The following QSER1 variants were observed in gnomAD, a reference collection of about 807,000 sequenced individuals.
The protein encoded by QSER1 is glutamine and serine-rich protein 1.
Under a neutral mutation model 158.5 loss-of-function variants are expected in QSER1, and 49 were observed. The ratio of observed to expected loss-of-function variants is 0.31; its 90% CI spans 0.25 to 0.39. QSER1 has a LOEUF of 0.39. Ranked by LOEUF, QSER1 falls within the 10% of genes least tolerant of loss-of-function variation. The pLI is 1.00. For synonymous variants in QSER1, 650 were observed against 715.5 expected (o/e 0.91, Z 1.46); for missense variants, 1,754 against 2,010.3 (o/e 0.87, Z 2.44).
intron 7 of QSER1, 132 bp from the exon 8 acceptor site, chr11:32,957,737 G>C: frequency 4.0e-6 from 3 of 745,240 alleles, no homozygotes; most frequent in Non-Finnish European, 6.5e-6. Flanking sequence ...TATAGGACTT[G>C]GACTGTATAT....
intron 1 of QSER1, among the ~76,000 whole-genome samples, chr11:32,906,532 A>C (rs1851695472): frequency 6.6e-6 from 1 of 151,910 alleles, no homozygotes; most frequent in African/African-American, 2.4e-5. Flanking sequence ...CCAGGTAGCT[A>C]GGACTACAGG....
rs183549441 is a variant in QSER1, at chr11:32,959,680, A to C, written c.4969+1594A>C. On this transcript the variant is annotated intron_variant, in intron 8 of 12. Coordinates refer to ENST00000650167, the MANE Select transcript of QSER1 (RefSeq NM_001076786.3). ...CATTACAAGTATCATTGCTTGAGAG[A>C]TTATCTTAGAAATTATCTGATTAGA... Among the ~76,000 whole-genome samples, 91 of 152,278 alleles carry C rather than the reference A, an allele frequency of 6.0e-4. No homozygotes were observed. In the Middle Eastern group the frequency reaches 0.037, roughly 63 times the overall value.
chr11:32,970,946 CTT>C (rs776051259), intron 10 of QSER1, among the ~76,000 whole-genome samples: 939 of 76,704 alleles, frequency 0.012, 1 homozygote, highest in African/African-American at 0.049. Context: ...AAGCAATTTG[CTT>C]TTTTTTTTTT....
At chr11:32,930,524 T>A (rs1852031531) in intron 3 of QSER1, among the ~76,000 whole-genome samples, 1 of 152,184 alleles carries the variant, frequency 6.6e-6, no homozygotes, top group African/African-American at 2.4e-5. Context: ...ATAAAACATT[T>A]AAATAGTAAA....
intron 9 of QSER1, 79 bp from the exon 10 acceptor site, chr11:32,968,967 A>T: frequency 1.3e-6 from 1 of 742,818 alleles, no homozygotes; most frequent in South Asian, 1.9e-5. Context: ...TTAATATATA[A>T]ATGTTTTGAG....
At chr11:32,910,422 A>C (rs1397542512) in intron 1 of QSER1, among the ~76,000 whole-genome samples, 1 of 152,166 alleles carries the variant, frequency 6.6e-6, no homozygotes, top group African/African-American at 2.4e-5. Flanking sequence ...CTGGTACATA[A>C]TATCTAATAT....
intron 4 of QSER1, among the ~76,000 whole-genome samples, chr11:32,941,323 G>C (rs932937915): frequency 6.6e-6 from 1 of 150,454 alleles, no homozygotes; most frequent in African/African-American, 2.5e-5. Context: ...ATGCTGGTGT[G>C]CTGCACCCAC....
At chr11:32,930,589 G>A (rs1239891329) in intron 3 of QSER1, among the ~76,000 whole-genome samples, 5 of 152,146 alleles carry the variant, frequency 3.3e-5, no homozygotes, top group African/African-American at 9.6e-5. Flanking sequence ...GGAATTAACA[G>A]TTTGTTATTT....
Position 32,964,733 on chromosome 11 carries a change from T to TACAC in QSER1, c.4970-1566_4970-1565insCACA, listed in dbSNP as rs1246383757. ...AAAAAACACCATATATATATATATATATATATACACACACACACACACACA... is the reference window on the plus strand; with the variant it reads ...AAAAAACACCATATATATATATATATACACATATATACACACACACACACACACA... On this transcript the variant is annotated intron_variant, in intron 8 of 12. Coordinates refer to ENST00000650167, the MANE Select transcript of QSER1 (RefSeq NM_001076786.3). 4.4e-3 allele frequency among the ~76,000 whole-genome samples: 507 copies of TACAC among 115,236 alleles called. 2 individuals carry two copies. The highest frequency in any genetic ancestry group is 6.7e-3 in the Non-Finnish European group (364 of 54,326). 75.6% of individuals were successfully genotyped at this position (115,236 alleles called of 152,430 possible). A position where few individuals can be genotyped will look rare whatever the true frequency, so the allele number is the denominator to read the frequency against.
intron 1 of QSER1, among the ~76,000 whole-genome samples, chr11:32,924,683 A>G (rs1271469786): frequency 2.0e-5 from 3 of 152,198 alleles, no homozygotes; most frequent in Non-Finnish European, 4.4e-5. Flanking sequence ...ATTTTGATCC[A>G]GGGTATGTAA....
intron 1 of QSER1, among the ~76,000 whole-genome samples, chr11:32,913,372 T>G (rs1851794562): frequency 6.6e-6 from 1 of 151,814 alleles, no homozygotes; most frequent in Non-Finnish European, 1.5e-5. Flanking sequence ...TTGTATTTAT[T>G]TTAGTAGAGA....
chr11:32,920,714 C>G (rs1048152165), intron 1 of QSER1, among the ~76,000 whole-genome samples: 1 of 152,164 alleles, frequency 6.6e-6, no homozygotes, highest in African/African-American at 2.4e-5. Flanking sequence ...TGAGTAGACA[C>G]TTGTCCAAAG....
At chr11:32,957,591 T>A (rs966273498) in intron 7 of QSER1, among the ~76,000 whole-genome samples, 7 of 152,038 alleles carry the variant, frequency 4.6e-5, no homozygotes, top group African/African-American at 1.7e-4. Context: ...GGGAAATAAG[T>A]CCATAAATCA....
chr11:32,977,583 C>T lies in QSER1; in HGVS notation c.*1109C>T, dbSNP rs758778820. ...AGTGTTAAACACAGCTTCCTTAACT[C>T]TTAGAACTGGAAGTTGTAGAGCTCT... On this transcript the variant is annotated 3_prime_UTR_variant, in exon 13 of 13. Transcript: ENST00000650167. 6.6e-6 allele frequency: 1 copy of T among 152,614 alleles called. No individual in the cohort carries two copies. Among genetic ancestry groups the T allele is most frequent in the African/African-American group, 2.4e-5 (1 of 41,460 alleles). 9.5% of individuals were successfully genotyped at this position (152,614 alleles called of 1,614,324 possible). A position where few individuals can be genotyped will look rare whatever the true frequency, so the allele number is the denominator to read the frequency against.
chr11:32,974,340 C>T (rs924726023), intron 11 of QSER1, among the ~76,000 whole-genome samples: 3 of 151,570 alleles, frequency 2.0e-5, no homozygotes, highest in African/African-American at 7.3e-5. Context: ...GTGGGAGGAT[C>T]GCTTGAGTCC....
chr11:32,965,269 A>T (rs1852718978), intron 8 of QSER1, among the ~76,000 whole-genome samples: 1 of 151,610 alleles, frequency 6.6e-6, no homozygotes, highest in Non-Finnish European at 1.5e-5. Context: ...ATGCCACCAC[A>T]CACGTGGCTA....
intron 3 of QSER1, among the ~76,000 whole-genome samples, chr11:32,929,061 C>G (rs1400404264): frequency 6.6e-6 from 1 of 151,796 alleles, no homozygotes; most frequent in Non-Finnish European, 1.5e-5. Flanking sequence ...AGTGTTTTTA[C>G]TCTTGTATAG....
At chr11:32,941,806 C>T (rs2133562989) in intron 4 of QSER1, among the ~76,000 whole-genome samples, 1 of 152,110 alleles carries the variant, frequency 6.6e-6, no homozygotes, top group African/African-American at 2.4e-5. Context: ...GCAATCGCCA[C>T]ACTGACTTCC....
intron 1 of QSER1, among the ~76,000 whole-genome samples, chr11:32,910,176 T>G (rs1205673862): frequency 6.6e-6 from 1 of 152,226 alleles, no homozygotes; most frequent in African/African-American, 2.4e-5. Context: ...TTTCTCTTCC[T>G]TTGGTTTGGG....
Sources: allele counts gnomAD v4.1 joint callset (sites outside exome capture counted in the v4.1 genomes callset), GRCh38; gene constraint gnomAD v4.1.1; transcripts MANE v1.5; gene names NCBI Gene and HGNC (gene_info 2026-07-23, HGNC 2026-07-21).